Variants in CXADR observed in about 807,000 individuals in gnomAD.
CXADR encodes coxsackievirus and adenovirus receptor.
A neutral mutation model predicts 40.3 loss-of-function variants in CXADR; 20 were observed. That is an observed-to-expected ratio of 0.50 (90% CI 0.35 to 0.72). The LOEUF (loss-of-function observed/expected upper bound fraction) is 0.72. Among genes scored for constraint, CXADR ranks in the 30% least tolerant of loss-of-function variants. The pLI, the probability that CXADR is intolerant of heterozygous loss-of-function variation, is 0.01. For missense variants in CXADR, 332 were observed against 449.1 expected (o/e 0.74, Z 2.36); for synonymous variants, 150 against 161.3 (o/e 0.93, Z 0.53).
At chr21:17,607,470 C>A in the CXADR span, among the ~76,000 whole-genome samples, 1 of 152,142 alleles carries the variant, frequency 6.6e-6, no homozygotes, top group Non-Finnish European at 1.5e-5. Flanking sequence ...TATTTTAATT[C>A]ATTTTCCAAT....
intron 1 of CXADR, among the ~76,000 whole-genome samples, chr21:17,514,977 T>C (rs2060441709): frequency 6.6e-6 from 1 of 152,136 alleles, no homozygotes; most frequent in African/African-American, 2.4e-5. Flanking sequence ...GATTTAATTT[T>C]TTTTTTTTGG....
chr21:17,531,354 T>A (rs1342439013), intron 1 of CXADR, among the ~76,000 whole-genome samples: 2 of 152,092 alleles, frequency 1.3e-5, no homozygotes, highest in Non-Finnish European at 2.9e-5. Context: ...TTGCGCTACA[T>A]CCTTATCATG....
chr21:17,582,823 G>C (rs1482398860), intron 7 of CXADR, among the ~76,000 whole-genome samples: 1 of 152,202 alleles, frequency 6.6e-6, no homozygotes, highest in Non-Finnish European at 1.5e-5. Context: ...CATTTGAAAA[G>C]ATGTGTCTAG....
chr21:17,586,411 A>ATG (rs1365152314), intron 7 of CXADR, among the ~76,000 whole-genome samples: 2 of 147,612 alleles, frequency 1.4e-5, no homozygotes, highest in East Asian at 3.9e-4. Flanking sequence ...GTATATATAT[A>ATG]TATAATATAT....
At chr21:17,546,418 G>T (rs2060897360) in intron 1 of CXADR, among the ~76,000 whole-genome samples, 1 of 152,200 alleles carries the variant, frequency 6.6e-6, no homozygotes, top group Admixed American at 6.5e-5. Flanking sequence ...GATTGGCTCT[G>T]CAGGCTGTAC....
At chr21:17,599,676 C>T in the CXADR span, among the ~76,000 whole-genome samples, 1 of 152,122 alleles carries the variant, frequency 6.6e-6, no homozygotes. Context: ...GATGAGGTTT[C>T]ACCATGCTGG....
intron 1 of CXADR, among the ~76,000 whole-genome samples, chr21:17,531,255 T>TG (rs2060671354): frequency 6.6e-6 from 1 of 150,776 alleles, no homozygotes; most frequent in African/African-American, 2.4e-5. Flanking sequence ...GCTGAGTTTG[T>TG]GCCATTGCAC....
chr21:17,567,271 G>A lies in CXADR; in HGVS notation c.*1579G>A. 4 of 985,408 alleles carry A rather than the reference G, an allele frequency of 4.1e-6. No homozygotes were observed. The highest frequency in any genetic ancestry group is 4.8e-6 in the Non-Finnish European group (4 of 829,908). The allele number at this position is 985,408 out of a possible 1,614,324, so 61.0% of individuals were successfully genotyped here. ...CATGTATTTACAGTTAGAGTATTGT[G>A]TGTACACTTTTTAATGGTAAACTTA... On this transcript the variant is annotated 3_prime_UTR_variant, in exon 7 of 7. Coordinates refer to ENST00000284878, the MANE Select transcript of CXADR (RefSeq NM_001338.5).
chr21:17,574,216 T>G (rs78362336), downstream of CXADR, among the ~76,000 whole-genome samples: 253 of 152,328 alleles, frequency 1.7e-3, 1 homozygote, highest in Non-Finnish European at 2.6e-3. Context: ...AACTGATTGC[T>G]TCTTCAATTT....
At chr21:17,558,784 C>T (rs1042435028) in intron 3 of CXADR, among the ~76,000 whole-genome samples, 192 bp from the exon 4 acceptor site, 5 of 152,106 alleles carry the variant, frequency 3.3e-5, no homozygotes, top group African/African-American at 9.7e-5. Flanking sequence ...CTTGTCTGAG[C>T]TTATTCTTTG....
At chr21:17,524,590 A>T (rs1276277371) in intron 1 of CXADR, among the ~76,000 whole-genome samples, 1 of 144,788 alleles carries the variant, frequency 6.9e-6, no homozygotes, top group Non-Finnish European at 1.5e-5. Context: ...AAAAAAAAAA[A>T]AAAAAAAAAA....
At chr21:17,612,196 G>A in the CXADR span, 1 of 152,332 alleles carries the variant, frequency 6.6e-6, no homozygotes, top group Non-Finnish European at 1.5e-5. Context: ...GAAGGGCCCT[G>A]GCGCCCAATG....
chr21:17,517,219 G>A (rs556473612), intron 1 of CXADR, among the ~76,000 whole-genome samples: 25 of 152,254 alleles, frequency 1.6e-4, no homozygotes, highest in Non-Finnish European at 2.9e-4. Flanking sequence ...ATAGCAAAAC[G>A]TAAGCTTCTA....
intron 6 of CXADR, among the ~76,000 whole-genome samples, chr21:17,562,795 T>C (rs1302838113): frequency 6.6e-6 from 1 of 152,224 alleles, no homozygotes; most frequent in East Asian, 1.9e-4. Context: ...TTTTATGTTA[T>C]GGAAATGGCC....
intron 4 of CXADR, among the ~76,000 whole-genome samples, chr21:17,560,396 G>A (rs1373202397): frequency 6.6e-6 from 1 of 152,170 alleles, no homozygotes; most frequent in Admixed American, 6.6e-5. Flanking sequence ...GAATGCGGTA[G>A]CGTTTATAGT....
chr21:17,569,353 G>A lies in CXADR; in HGVS notation c.*3661G>A, dbSNP rs1050512431. ...CACAATTTTAACTTCTTAGTGGCTTGTGACATTATATATTATATATATATA... is the reference window on the plus strand; with the variant it reads ...CACAATTTTAACTTCTTAGTGGCTTATGACATTATATATTATATATATATA... On this transcript the variant is annotated 3_prime_UTR_variant, in exon 7 of 7. Transcript: ENST00000284878. The A allele has an allele frequency of 1.2e-5, 12 of 979,300 alleles. No individual in the cohort carries two copies. Among genetic ancestry groups the A allele is most frequent in the African/African-American group, 1.8e-5 (1 of 55,482 alleles). The allele number at this position is 979,300 out of a possible 1,614,324, so 60.7% of individuals were successfully genotyped here.
At chr21:17,589,622 T>G (rs556781537) in intron 7 of CXADR, among the ~76,000 whole-genome samples, 2 of 152,130 alleles carry the variant, frequency 1.3e-5, no homozygotes, top group East Asian at 3.9e-4. Context: ...GGCTACATGG[T>G]ATTTTCCACA....
At position 17,569,666 on chromosome 21, in the gene CXADR, A is replaced by G; in HGVS notation, c.*3974A>G. ...CATTTATCTTATAGCAGATAACCCC[A>G]GCCTCTTATTCATTATGGTTAACTT... On this transcript the variant is annotated 3_prime_UTR_variant, in exon 7 of 7. Transcript: ENST00000284878. 1.0e-6 allele frequency: 1 copy of G among 971,094 alleles called. No homozygotes were observed. Among genetic ancestry groups the G allele is most frequent in the South Asian group, 4.8e-5 (1 of 20,998 alleles). The allele number at this position is 971,094 out of a possible 1,614,324, so 60.2% of individuals were successfully genotyped here. A position where few individuals can be genotyped will look rare whatever the true frequency, so the allele number is the denominator to read the frequency against.
chr21:17,604,258 T>A, the CXADR span: 1 of 358,756 alleles, frequency 2.8e-6, no homozygotes, highest in Admixed American at 5.0e-5. Flanking sequence ...CTGGCCAACA[T>A]GGTGAAACCC....
Sources: allele counts gnomAD v4.1 joint callset (sites outside exome capture counted in the v4.1 genomes callset), GRCh38; gene constraint gnomAD v4.1.1; transcripts MANE v1.5; gene names NCBI Gene and HGNC (gene_info 2026-07-23, HGNC 2026-07-21).